Variants in EPHB1 observed in about 807,000 individuals in gnomAD.
EPHB1 encodes EPH receptor B1.
EPHB1 carries 30 observed loss-of-function variants against 94.4 expected under a neutral mutation model. The ratio of observed to expected loss-of-function variants is 0.32; its 90% CI spans 0.24 to 0.43. The LOEUF (loss-of-function observed/expected upper bound fraction) is 0.43. EPHB1 is among the 20% of genes least tolerant of loss of function. The pLI is 1.00. For synonymous variants in EPHB1, 522 were observed against 489.1 expected, an observed-to-expected ratio of 1.07 and a Z score of -0.89; for missense variants, 1,055 against 1,308.3, an observed-to-expected ratio of 0.81 and a Z score of 2.99.
intron 1 of EPHB1, among the ~76,000 whole-genome samples, chr3:134,873,498 G>C (rs2037545375): frequency 6.6e-6 from 1 of 152,242 alleles, no homozygotes; most frequent in African/African-American, 2.4e-5. Flanking sequence ...CATCTCTGCA[G>C]TAATAGTGTA....
intron 12 of EPHB1, among the ~76,000 whole-genome samples, chr3:135,207,316 T>C (rs966650985): frequency 2.0e-5 from 3 of 152,236 alleles, no homozygotes; most frequent in African/African-American, 7.2e-5. Flanking sequence ...CTCCACACTT[T>C]GCCTTTTATT....
At chr3:135,038,141 C>T (rs73864231) in intron 3 of EPHB1, among the ~76,000 whole-genome samples, 2,197 of 152,350 alleles carry the variant, frequency 0.014, 54 homozygotes, top group African/African-American at 0.05. Flanking sequence ...CCAAGCTCCA[C>T]TGGGGTAGCC....
At chr3:134,865,569 T>C (rs2037355903) in intron 1 of EPHB1, among the ~76,000 whole-genome samples, 1 of 151,846 alleles carries the variant, frequency 6.6e-6, no homozygotes, top group Admixed American at 6.6e-5. Flanking sequence ...TGGCAAAAGA[T>C]TGGAAACAGC....
At chr3:134,971,478 C>T (rs1026373249) in intron 3 of EPHB1, among the ~76,000 whole-genome samples, 3 of 152,140 alleles carry the variant, frequency 2.0e-5, no homozygotes, top group African/African-American at 7.2e-5. Flanking sequence ...GTGGATGGAG[C>T]GAGGGCAGCT....
At chr3:134,858,115 C>G (rs1356647539) in intron 1 of EPHB1, among the ~76,000 whole-genome samples, 11 of 151,900 alleles carry the variant, frequency 7.2e-5, no homozygotes, top group Admixed American at 4.6e-4. Context: ...GCTGAGGACT[C>G]TTTCACTTGC....
intron 3 of EPHB1, among the ~76,000 whole-genome samples, chr3:134,952,374 C>T (rs1490774773): frequency 1.7e-5 from 2 of 121,092 alleles, no homozygotes; most frequent in African/African-American, 3.7e-5. Flanking sequence ...CTCTCTCTCA[C>T]ACACACACAC....
intron 3 of EPHB1, among the ~76,000 whole-genome samples, chr3:135,078,623 G>A (rs1291879250): frequency 6.6e-6 from 1 of 152,242 alleles, no homozygotes; most frequent in Non-Finnish European, 1.5e-5. Context: ...GAAAGGCATT[G>A]CCAGCACAAT....
chr3:135,085,053 G>T (rs914627328), intron 3 of EPHB1, among the ~76,000 whole-genome samples: 1 of 152,168 alleles, frequency 6.6e-6, no homozygotes, highest in Non-Finnish European at 1.5e-5. Context: ...TGGAAACTGG[G>T]TATTCAGAGT....
intron 4 of EPHB1, 104 bp from the exon 5 acceptor site, chr3:135,132,610 C>A: frequency 1.0e-6 from 1 of 993,096 alleles, no homozygotes; most frequent in Non-Finnish European, 1.5e-6. Context: ...GAGTGGGAGG[C>A]GAGCGCACTG....
chr3:134,868,251 G>A (rs2037421998), intron 1 of EPHB1, among the ~76,000 whole-genome samples: 1 of 152,118 alleles, frequency 6.6e-6, no homozygotes, highest in Non-Finnish European at 1.5e-5. Flanking sequence ...CTGAGAGGAG[G>A]CTCTTACCAT....
At chr3:135,054,024 C>CATATATATATATATAT (rs144029421) in intron 3 of EPHB1, among the ~76,000 whole-genome samples, 6 of 137,360 alleles carry the variant, frequency 4.4e-5, no homozygotes, top group African/African-American at 1.7e-4. Flanking sequence ...TGTGTGTCTG[C>CATATATATATATATAT]ATATATATAT....
chr3:135,216,209 G>A (rs560437776), intron 12 of EPHB1, among the ~76,000 whole-genome samples: 10 of 152,210 alleles, frequency 6.6e-5, no homozygotes, highest in East Asian at 3.9e-4. Context: ...AGTAGGTGCC[G>A]CCAGCACAAA....
At chr3:134,849,785 C>T (rs555117641) in intron 1 of EPHB1, among the ~76,000 whole-genome samples, 71 of 152,316 alleles carry the variant, frequency 4.7e-4, no homozygotes, top group Non-Finnish European at 6.9e-4. Flanking sequence ...TGGGCCACCC[C>T]AGAAAGACCT....
At chr3:134,822,364 G>C (rs2036398687) in intron 1 of EPHB1, among the ~76,000 whole-genome samples, 1 of 152,164 alleles carries the variant, frequency 6.6e-6, no homozygotes, top group Non-Finnish European at 1.5e-5. Context: ...CAACTCCCGT[G>C]ATCAACCACC....
intron 3 of EPHB1, among the ~76,000 whole-genome samples, chr3:135,106,086 A>G (rs1247602899): frequency 6.6e-6 from 1 of 152,164 alleles, no homozygotes; most frequent in East Asian, 1.9e-4. Context: ...AAGGCCATGG[A>G]TGTTAACCAG....
intron 3 of EPHB1, among the ~76,000 whole-genome samples, chr3:135,057,048 G>C (rs566086990): frequency 6.6e-6 from 1 of 152,146 alleles, no homozygotes; most frequent in Non-Finnish European, 1.5e-5. Flanking sequence ...TAATAAATTT[G>C]TTGCTGGATT....
intron 3 of EPHB1, among the ~76,000 whole-genome samples, chr3:135,084,319 C>A (rs1217432143): frequency 6.6e-6 from 1 of 152,094 alleles, no homozygotes; most frequent in Admixed American, 6.5e-5. Context: ...GTGAGCACAT[C>A]CTTTAATTTC....
At chr3:135,008,610 G>A (rs1176267337) in intron 3 of EPHB1, among the ~76,000 whole-genome samples, 1 of 152,182 alleles carries the variant, frequency 6.6e-6, no homozygotes, top group Non-Finnish European at 1.5e-5. Context: ...AGTCCCTTGT[G>A]GAATCTTCTC....
chr3:134,979,198 A>G (rs907930235), intron 3 of EPHB1, among the ~76,000 whole-genome samples: 1 of 151,974 alleles, frequency 6.6e-6, no homozygotes, highest in Non-Finnish European at 1.5e-5. Flanking sequence ...TATTTGAACT[A>G]TTTTTAACTT....
Sources: allele counts gnomAD v4.1 joint callset (sites outside exome capture counted in the v4.1 genomes callset), GRCh38; gene constraint gnomAD v4.1.1; transcripts MANE v1.5; gene names NCBI Gene and HGNC (gene_info 2026-07-23, HGNC 2026-07-21).